Variants in CUBN observed in about 807,000 individuals in gnomAD.
CUBN encodes the protein 460 kDa receptor.
Under a neutral mutation model 405.3 loss-of-function variants are expected in CUBN, and 282 were observed. That is an observed-to-expected ratio of 0.70 (90% CI 0.63 to 0.77). The LOEUF (loss-of-function observed/expected upper bound fraction) is 0.77, where lower values mean the gene tolerates loss of function less well. CUBN is among the 30% of genes least tolerant of loss of function. The pLI, the probability that CUBN is intolerant of heterozygous loss-of-function variation, is 0.00. For synonymous variants in CUBN, 1,684 were observed against 1,617.0 expected, an observed-to-expected ratio of 1.04 and a Z score of -0.99; for missense variants, 4,514 against 4,475.2, an observed-to-expected ratio of 1.01 and a Z score of -0.25.
chr10:16,945,853 G>A (rs190439869), intron 36 of CUBN, among the ~76,000 whole-genome samples: 1 of 151,740 alleles, frequency 6.6e-6, no homozygotes, highest in Admixed American at 6.6e-5. Context: ...GGCATGCAGA[G>A]GGTGTCTTTG....
intron 36 of CUBN, among the ~76,000 whole-genome samples, chr10:16,943,565 T>C (rs1842711859): frequency 1.3e-5 from 2 of 152,230 alleles, no homozygotes; most frequent in African/African-American, 2.4e-5. Context: ...AAAATTGTTT[T>C]CTTCTGCTTC....
At chr10:16,836,519 G>T in intron 62 of CUBN, 137 bp from the exon 63 acceptor site, 2 of 849,076 alleles carry the variant, frequency 2.4e-6, no homozygotes, top group Non-Finnish European at 3.9e-6. Flanking sequence ...GAAGTGCTCT[G>T]CAAGAAGACT....
chr10:16,907,024 A>G (rs1841572851), intron 49 of CUBN, among the ~76,000 whole-genome samples: 1 of 152,206 alleles, frequency 6.6e-6, no homozygotes, highest in South Asian at 2.1e-4. Context: ...ATTAGAGGCC[A>G]TATCTTGCTT....
intron 51 of CUBN, among the ~76,000 whole-genome samples, chr10:16,903,724 A>G (rs1841471470): frequency 1.3e-5 from 2 of 148,500 alleles, no homozygotes; most frequent in African/African-American, 4.9e-5. Context: ...TTTTAAAATT[A>G]TGCAGTTTAT....
Position 17,083,278 on chromosome 10 carries a change from G to A in CUBN, c.2301+993C>T, listed in dbSNP as rs569724287. On this transcript the variant is annotated intron_variant, in intron 17 of 66. Transcript: ENST00000377833. ...CCCAGCACTTTGGGAGGCTGAGGCC[G>A]GAGGATCACCTGAGGTTGGGAGTTT... Among the ~76,000 whole-genome samples the A allele has an allele frequency of 1.8e-4, 27 of 152,208 alleles. No homozygotes were observed. The South Asian group carries it at 3.1e-3, about 18-fold the overall frequency.
chr10:17,006,541 A>T (rs1161209306), intron 28 of CUBN, among the ~76,000 whole-genome samples: 2 of 152,246 alleles, frequency 1.3e-5, no homozygotes, highest in Admixed American at 6.5e-5. Context: ...TTCCCCCGAA[A>T]GACCAGTGAT....
rs151249291 is a variant in CUBN, at chr10:16,948,381, T to C, written c.5209+97A>G. ...TGGCCCAGAGGTGATCTCAGGAAAC[T>C]GGCTCCCAACTACGAAGGTCAGAGT... On this transcript the variant is annotated intron_variant, in intron 35 of 66. Coordinates refer to ENST00000377833, the MANE Select transcript of CUBN (RefSeq NM_001081.4). The C allele has an allele frequency of 1.5e-4, 229 of 1,548,440 alleles. 2 individuals carry two copies. The East Asian group carries it at 5.1e-3, about 35-fold the overall frequency.
At chr10:17,040,898 C>T in intron 27 of CUBN, 135 bp downstream of exon 27, 6 of 761,564 alleles carry the variant, frequency 7.9e-6, no homozygotes, top group Non-Finnish European at 9.2e-6. Flanking sequence ...TGTTCAAATA[C>T]CATGGGTGGT....
intron 22 of CUBN, among the ~76,000 whole-genome samples, chr10:17,051,557 T>C (rs1456821554): frequency 6.6e-6 from 1 of 151,860 alleles, no homozygotes; most frequent in Non-Finnish European, 1.5e-5. Context: ...AGAAAAAGCC[T>C]TAAAAAGTAA....
chr10:17,115,384 T>G (rs1836868812), intron 7 of CUBN, 87 bp downstream of exon 7: 1 of 1,549,078 alleles, frequency 6.5e-7, no homozygotes, highest in Non-Finnish European at 8.9e-7. Context: ...AAGCTCCAGG[T>G]AGTGCTTGTA....
At chr10:16,862,240 G>A (rs559564224) in intron 59 of CUBN, among the ~76,000 whole-genome samples, 137 of 151,478 alleles carry the variant, frequency 9.0e-4, no homozygotes, top group African/African-American at 3.3e-3. Context: ...GGCAATGAAG[G>A]CTTACTAAGA....
chr10:16,987,507 C>G (rs909219555), intron 29 of CUBN, among the ~76,000 whole-genome samples: 2 of 152,172 alleles, frequency 1.3e-5, no homozygotes, highest in Non-Finnish European at 2.9e-5. Context: ...AGTAACCAAA[C>G]AGCTGCTGCT....
chr10:16,921,951 G>A (rs1036258045), intron 43 of CUBN, among the ~76,000 whole-genome samples: 15 of 152,092 alleles, frequency 9.9e-5, no homozygotes, highest in African/African-American at 1.7e-4. Context: ...TCATTTGCTC[G>A]TCATCCAGAG....
intron 27 of CUBN, among the ~76,000 whole-genome samples, chr10:17,029,990 G>C (rs1364972518): frequency 6.6e-6 from 1 of 152,198 alleles, no homozygotes; most frequent in Non-Finnish European, 1.5e-5. Flanking sequence ...CCAGTCCCCA[G>C]ACCAGTACTG....
chr10:17,095,246 G>A (rs1836346375), intron 14 of CUBN, among the ~76,000 whole-genome samples: 1 of 151,800 alleles, frequency 6.6e-6, no homozygotes, highest in Non-Finnish European at 1.5e-5. Flanking sequence ...CACATACAAA[G>A]TCAACTCAAA....
chr10:16,925,152 T>G lies in CUBN; in HGVS notation c.6646+89A>C. 3 of 982,860 alleles carry G rather than the reference T, an allele frequency of 3.1e-6. No homozygotes were observed. The South Asian group carries it at 4.1e-5, about 14-fold the overall frequency. 60.9% of individuals were successfully genotyped at this position (982,860 alleles called of 1,614,324 possible). ...GAGTAGGCATTCTTATTAATTCTATTACTGTTGGTTCAGAAAAGAAAATTT... is the reference window on the plus strand; with the variant it reads ...GAGTAGGCATTCTTATTAATTCTATGACTGTTGGTTCAGAAAAGAAAATTT... On this transcript the variant is annotated intron_variant, in intron 43 of 66. Transcript: ENST00000377833.
At chr10:16,849,271 C>G (rs2131334364) in intron 60 of CUBN, among the ~76,000 whole-genome samples, 1 of 152,116 alleles carries the variant, frequency 6.6e-6, no homozygotes, top group South Asian at 2.1e-4. Context: ...TCACATTTAT[C>G]TTTTCATGAC....
chr10:16,877,243 G>A, intron 56 of CUBN, 146 bp from the exon 57 acceptor site: 2 of 773,128 alleles, frequency 2.6e-6, no homozygotes, highest in East Asian at 5.4e-5. Context: ...TTAGTTTCCT[G>A]TTGAAACAAT....
intron 31 of CUBN, among the ~76,000 whole-genome samples, chr10:16,966,980 C>T (rs1453696234): frequency 6.6e-6 from 1 of 152,160 alleles, no homozygotes; most frequent in African/African-American, 2.4e-5. Context: ...GGAATACGAA[C>T]TTCTCCAAAA....
Sources: gnomAD v4.1 joint callset for allele counts (sites outside exome capture counted in the v4.1 genomes callset) on GRCh38, gnomAD v4.1.1 for gene constraint, MANE v1.5 for transcripts, NCBI Gene and HGNC (gene_info 2026-07-23, HGNC 2026-07-21) for gene names.